The following LCOR variants were observed in gnomAD, a reference collection of about 807,000 sequenced individuals.
The protein encoded by LCOR is ligand dependent nuclear receptor corepressor.
Under a neutral mutation model 64.4 loss-of-function variants are expected in LCOR, and 14 were observed. That is an observed-to-expected ratio of 0.22 (90% CI 0.14 to 0.34). LCOR has a LOEUF of 0.34. Among genes scored for constraint, LCOR ranks in the 10% least tolerant of loss-of-function variants. The probability of loss-of-function intolerance (pLI) is 1.00; values close to 1 mark genes in which losing one functional copy is unlikely to be tolerated. For missense variants in LCOR, 1,686 were observed against 1,765.3 expected (o/e 0.96, Z 0.80); for synonymous variants, 643 against 642.5 (o/e 1.00, Z -0.01).
intron 2 of LCOR, among the ~76,000 whole-genome samples, chr10:96,892,477 G>T (rs963074337): frequency 6.6e-6 from 1 of 152,156 alleles, no homozygotes; most frequent in Non-Finnish European, 1.5e-5. Context: ...ATTTGGTATG[G>T]TGAGGTGCCG....
intron 4 of LCOR, among the ~76,000 whole-genome samples, chr10:96,914,506 A>G (rs1846904008): frequency 6.6e-6 from 1 of 152,224 alleles, no homozygotes; most frequent in Non-Finnish European, 1.5e-5. Context: ...CTTTATTGCT[A>G]TTTTAATACA....
In LCOR at chr10:96,993,757, A is replaced by G. The variant is rs1176293009; in HGVS notation, c.*8623A>G. 9 of 146,176 alleles carry G rather than the reference A, an allele frequency of 6.2e-5. No individual in the cohort carries two copies. Among genetic ancestry groups the G allele is most frequent in the African/African-American group, 1.6e-4 (6 of 38,704 alleles). The allele number at this position is 146,176 out of a possible 1,614,324, so 9.1% of individuals were successfully genotyped here. A position where few individuals can be genotyped will look rare whatever the true frequency, so the allele number is the denominator to read the frequency against. ...TCTGGTTATGTTATATTATATATATATATTATATATATATATATACAGGTG... is the reference window on the plus strand; with the variant it reads ...TCTGGTTATGTTATATTATATATATGTATTATATATATATATATACAGGTG... On this transcript the variant is annotated 3_prime_UTR_variant, in exon 8 of 8. Transcript: ENST00000421806.
chr10:96,932,772 T>C (rs1373854226), intron 4 of LCOR, among the ~76,000 whole-genome samples: 1 of 152,180 alleles, frequency 6.6e-6, no homozygotes. Context: ...CAAAGAATCA[T>C]TGTATACCAA....
chr10:96,956,645 C>T, intron 7 of LCOR: 2 of 985,882 alleles, frequency 2.0e-6, no homozygotes, highest in Non-Finnish European at 2.4e-6. Context: ...TTGAACACTA[C>T]CTTTGCTGTA....
At chr10:96,897,052 TGAGA>T (rs142740088) in intron 2 of LCOR, among the ~76,000 whole-genome samples, 29 of 124,200 alleles carry the variant, frequency 2.3e-4, no homozygotes, top group South Asian at 7.5e-4. Context: ...TCCCAAGGAA[TGAGA>T]GAGAGAGAGA....
Position 96,982,474 on chromosome 10 carries a change from C to T in LCOR, c.2014C>T (p.Pro672Ser). 1 of 1,614,230 alleles carries T rather than the reference C, an allele frequency of 6.2e-7. No homozygotes were observed. The part of the protein sequence containing the change: ...MSVPQDCHLL[P>S]STESFSGGVS... ...TGTACCCCAGGACTGTCACCTCCTT[C>T]CCTCCACTGAAAGCTTTTCCGGGGG... Residue 672 changes from proline to serine, a missense_variant, in exon 8 of 8, where the codon CCC becomes TCC. Physicochemically the swap from Pro to Ser is moderately conservative, Grantham distance 74. Transcript: ENST00000421806.
intron 4 of LCOR, among the ~76,000 whole-genome samples, chr10:96,926,959 C>T (rs1847179214): frequency 6.6e-6 from 1 of 151,838 alleles, no homozygotes; most frequent in Admixed American, 6.6e-5. Context: ...GAGTTGTTTC[C>T]AGATGTTGAT....
intron 2 of LCOR, among the ~76,000 whole-genome samples, chr10:96,846,182 G>A (rs1291222001): frequency 6.6e-6 from 1 of 152,072 alleles, no homozygotes; most frequent in African/African-American, 2.4e-5. Context: ...ACTCCAGCCT[G>A]GACTACACAG....
chr10:96,920,430 A>G (rs948088930), intron 4 of LCOR, among the ~76,000 whole-genome samples: 2 of 1,770 alleles, frequency 1.1e-3, no homozygotes, highest in Non-Finnish European at 0.031. Context: ...ATTCATATAT[A>G]TGTGTATATA....
chr10:96,836,859 A>T (rs1262814261), intron 2 of LCOR, among the ~76,000 whole-genome samples: 1 of 152,216 alleles, frequency 6.6e-6, no homozygotes, highest in African/African-American at 2.4e-5. Context: ...GGATTTTCTA[A>T]TGCAGGTTAG....
At chr10:96,954,274 G>A (rs1468432402) in intron 7 of LCOR, among the ~76,000 whole-genome samples, 1 of 152,122 alleles carries the variant, frequency 6.6e-6, no homozygotes, top group Non-Finnish European at 1.5e-5. Context: ...AAGTTATAAT[G>A]CAGTGGGTCT....
intron 4 of LCOR, among the ~76,000 whole-genome samples, chr10:96,937,635 A>G (rs1302166698): frequency 6.6e-6 from 1 of 151,940 alleles, no homozygotes; most frequent in African/African-American, 2.4e-5. Context: ...TAGAGGTGTG[A>G]GCCACCACAC....
At chr10:96,957,288 C>T in intron 7 of LCOR, 1 of 985,112 alleles carries the variant, frequency 1.0e-6, no homozygotes, top group African/African-American at 1.7e-5. Context: ...GGTTGTTTAG[C>T]ACACAGTTCA....
intron 4 of LCOR, among the ~76,000 whole-genome samples, chr10:96,926,960 A>G (rs1276649254): frequency 6.6e-6 from 1 of 152,002 alleles, no homozygotes; most frequent in Admixed American, 6.6e-5. Context: ...AGTTGTTTCC[A>G]GATGTTGATT....
At chr10:96,938,240 C>T (rs1847386843) in intron 4 of LCOR, among the ~76,000 whole-genome samples, 1 of 142,744 alleles carries the variant, frequency 7.0e-6, no homozygotes. Context: ...AGCCGCTGTA[C>T]CTGGCTGGTT....
chr10:96,917,472 G>A (rs1016163222), intron 4 of LCOR, among the ~76,000 whole-genome samples: 2 of 152,198 alleles, frequency 1.3e-5, no homozygotes, highest in African/African-American at 4.8e-5. Flanking sequence ...ATTCCCATAT[G>A]TAGTATTTTA....
chr10:96,865,124 G>A (rs1412159500), intron 2 of LCOR, among the ~76,000 whole-genome samples: 5 of 152,182 alleles, frequency 3.3e-5, no homozygotes, highest in African/African-American at 9.7e-5. Context: ...TATATTTTCA[G>A]AAGACAGAAA....
At chr10:96,845,429 C>A (rs1340203796) in intron 2 of LCOR, among the ~76,000 whole-genome samples, 2 of 129,438 alleles carry the variant, frequency 1.5e-5, no homozygotes, top group Non-Finnish European at 3.2e-5. Context: ...CAAAGTTTGC[C>A]TCTTATAAAT....
intron 7 of LCOR, chr10:96,963,062 C>T (rs1415360295): frequency 1.3e-5 from 2 of 152,212 alleles, no homozygotes; most frequent in Non-Finnish European, 2.9e-5. Flanking sequence ...TTAAAAAACT[C>T]AGTTCAGGTA....
Sources: gnomAD v4.1 joint callset for allele counts (sites outside exome capture counted in the v4.1 genomes callset) on GRCh38, gnomAD v4.1.1 for gene constraint, MANE v1.5 for transcripts, NCBI Gene and HGNC (gene_info 2026-07-23, HGNC 2026-07-21) for gene names.